FXYD1: variants seen among roughly 807,000 people sequenced by gnomAD.
FXYD1 encodes the protein FXYD domain containing ion transport regulator 1, also known as phospholemman.
FXYD1 carries 9 observed loss-of-function variants against 17.2 expected under a neutral mutation model. That is an observed-to-expected ratio of 0.52 (90% CI 0.32 to 0.91). The LOEUF (loss-of-function observed/expected upper bound fraction) is 0.91, where lower values mean the gene tolerates loss of function less well. FXYD1 is among the 40% of genes least tolerant of loss of function. The probability of loss-of-function intolerance (pLI) is 0.04; values close to 1 mark genes in which losing one functional copy is unlikely to be tolerated. For missense variants in FXYD1, 113 were observed against 120.6 expected, an observed-to-expected ratio of 0.94 and a Z score of 0.29; for synonymous variants, 55 against 45.8, an observed-to-expected ratio of 1.20 and a Z score of -0.81.
chr19:35,139,787 G>A (rs2065233774), intron 1 of FXYD1: 1 of 367,610 alleles, frequency 2.7e-6, no homozygotes, highest in Admixed American at 3.9e-5. Context: ...GGAATCGGGG[G>A]CCTGCTGCGG....
intron 5 of FXYD1, 80 bp from the exon 6 acceptor site, chr19:35,142,392 G>A: frequency 1.9e-6 from 2 of 1,073,722 alleles, no homozygotes; most frequent in Non-Finnish European, 2.8e-6. Context: ...TCTGGGAAAG[G>A]AGGCTTGTAC....
intron 1 of FXYD1, 138 bp from the exon 2 acceptor site, chr19:35,139,938 T>C (rs925029892): frequency 1.4e-6 from 1 of 715,260 alleles, no homozygotes; most frequent in South Asian, 1.7e-5. Flanking sequence ...CCCGTTTCTC[T>C]AGCTTGGAGC....
Position 35,141,565 on chromosome 19 carries a change from C to A in FXYD1, c.199C>A (p.Gln67Lys). The change falls in exon 5 of 8, where the codon CAG (glutamine) becomes AAG (lysine). Residue 67 changes from glutamine to lysine, a missense_variant. Transcript: ENST00000351325. Reference protein sequence around the residue: ...SRRCRCKFNQQQRTGEPDEEE... With the variant: ...SRRCRCKFNQKQRTGEPDEEE... Reference sequence around the variant, plus strand: ...AAGATGCCGGTGCAAGTTCAACCAGCAGCAGAGGTAAGACGCCCCTCCCCG... The same window carrying A: ...AAGATGCCGGTGCAAGTTCAACCAGAAGCAGAGGTAAGACGCCCCTCCCCG... 6.2e-7 allele frequency: 1 copy of A among 1,611,252 alleles called. No individual in the cohort carries two copies. The highest frequency in any genetic ancestry group is 8.5e-7 in the Non-Finnish European group (1 of 1,178,898).
chr19:35,137,352 G>T (rs772971818), upstream of FXYD1, among the ~76,000 whole-genome samples: 4 of 152,214 alleles, frequency 2.6e-5, no homozygotes, highest in Non-Finnish European at 4.4e-5. Flanking sequence ...ACATATCTGT[G>T]GTTTTGGAAT....
At chr19:35,140,556 C>T (rs753443777) in intron 2 of FXYD1, 41 bp from the exon 3 acceptor site, 1 of 1,600,690 alleles carries the variant, frequency 6.2e-7, no homozygotes, top group East Asian at 2.2e-5. Context: ...CCTGCCAGGA[C>T]CCCAGGAAGC....
chr19:35,139,822 C>G (rs1450410890), intron 1 of FXYD1: 1 of 437,272 alleles, frequency 2.3e-6, no homozygotes, highest in African/African-American at 2.0e-5. Flanking sequence ...AGGGAGGCCC[C>G]CCGGGGACTG....
upstream of FXYD1, chr19:35,137,981 T>A (rs1010165077): frequency 6.6e-6 from 1 of 152,222 alleles, no homozygotes; most frequent in Admixed American, 6.5e-5. Context: ...TGCACATACT[T>A]GTGTGTTTCT....
In FXYD1 at chr19:35,142,732, G is replaced by A; in HGVS notation, c.269G>A (p.Arg90His). The change falls in exon 7 of 8, where the codon CGC (arginine) becomes CAC (histidine). Residue 90 changes from arginine (R) to histidine (H), a missense_variant. Transcript: ENST00000351325. ...GTGTTCCCCCCAGGTCTGTCCACCCGCAGGCGGTAGAAACACCTGGAGCGA... is the reference window on the plus strand; with the variant it reads ...GTGTTCCCCCCAGGTCTGTCCACCCACAGGCGGTAGAAACACCTGGAGCGA... Reference protein sequence around the residue: ...FRSSIRRLSTRRR With the variant: ...FRSSIRRLSTHRR The A allele has an allele frequency of 1.2e-6, 2 of 1,613,464 alleles. No homozygotes were observed. The highest frequency in any genetic ancestry group is 8.5e-7 in the Non-Finnish European group (1 of 1,179,702).
At position 35,140,496 on chromosome 19, in the gene FXYD1, G is replaced by A. The variant is rs1476881062; in HGVS notation, c.62-101G>A. The A allele has an allele frequency of 5.6e-6, 6 of 1,078,092 alleles. No homozygotes were observed. The African/African-American group carries it at 6.2e-5, about 11-fold the overall frequency. The allele number at this position is 1,078,092 out of a possible 1,614,324, so 66.8% of individuals were successfully genotyped here. ...TGGGCAGCCTGCCCAGACACCCTCA[G>A]ACTCTAAGCCCAGCAAGGCAGAGCC... On this transcript the variant is annotated intron_variant, in intron 2 of 7. Coordinates refer to ENST00000351325, the MANE Select transcript of FXYD1 (RefSeq NM_021902.4).
upstream of FXYD1, chr19:35,137,525 T>G (rs1371258024): frequency 2.0e-5 from 3 of 152,410 alleles, no homozygotes; most frequent in Non-Finnish European, 4.4e-5. Flanking sequence ...TGTGTATCTG[T>G]GCCCATGGAA....
At chr19:35,139,970 C>G (rs908713081) in intron 1 of FXYD1, 106 bp from the exon 2 acceptor site, 3 of 987,968 alleles carry the variant, frequency 3.0e-6, no homozygotes, top group Non-Finnish European at 3.2e-6. Flanking sequence ...AGGACAAACA[C>G]TTCTGTGATT....
chr19:35,140,217 A>C (rs1365367517), intron 2 of FXYD1, 77 bp downstream of exon 2: 1 of 858,188 alleles, frequency 1.2e-6, no homozygotes, highest in Non-Finnish European at 2.0e-6. Flanking sequence ...CAAGTTGGAG[A>C]CCCCAACCTA....
chr19:35,142,849 G>A, intron 7 of FXYD1, 68 bp from the exon 8 acceptor site: 1 of 1,110,704 alleles, frequency 9.0e-7, no homozygotes, highest in East Asian at 2.5e-5. Context: ...CCAAGTGCCA[G>A]AGTTGAAGGG....
rs2065271139 is a variant in FXYD1 at position 35,142,930 on chromosome 19, C to T, written c.*43C>T. ...TCACCCTCACAGGACTCCCCTGGCACCTGACATCTCCCACGCTCCACCTGC... is the reference window on the plus strand; with the variant it reads ...TCACCCTCACAGGACTCCCCTGGCATCTGACATCTCCCACGCTCCACCTGC... On this transcript the variant is annotated 3_prime_UTR_variant, in exon 8 of 8. Coordinates refer to ENST00000351325, the MANE Select transcript of FXYD1 (RefSeq NM_021902.4). 1.6e-6 allele frequency: 1 copy of T among 618,910 alleles called. No individual in the cohort carries two copies. Among genetic ancestry groups the T allele is most frequent in the African/African-American group, 1.9e-5 (1 of 53,902 alleles). The allele number at this position is 618,910 out of a possible 1,614,324, so 38.3% of individuals were successfully genotyped here. A position where few individuals can be genotyped will look rare whatever the true frequency, so the allele number is the denominator to read the frequency against.
chr19:35,137,786 C>G (rs1273173700), upstream of FXYD1: 1 of 152,194 alleles, frequency 6.6e-6, no homozygotes, highest in Non-Finnish European at 1.5e-5. Flanking sequence ...GCCACCACAC[C>G]CAGCTAATTT....
chr19:35,141,207 G>T lies in FXYD1; in HGVS notation c.169+1G>T. 1.3e-6 allele frequency: 2 copies of T among 1,592,726 alleles called. No homozygotes were observed. Among genetic ancestry groups the T allele is most frequent in the Non-Finnish European group, 1.7e-6 (2 of 1,162,174 alleles). ...ATCCTGGGCATCCTCATCGTGCTGA[G>T]TGAGTGCCCCTAGCTCCCGCCCTCT... On this transcript the variant is annotated splice_donor_variant, in intron 4 of 7. Transcript: ENST00000351325. LOFTEE classifies it high-confidence loss of function.
chr19:35,141,660 C>T (rs1265575105), intron 5 of FXYD1, 88 bp downstream of exon 5: 18 of 1,045,582 alleles, frequency 1.7e-5, no homozygotes, highest in South Asian at 2.7e-5. Context: ...ACCCGCAGCC[C>T]GATCCCCGTC....
At chr19:35,139,954 A>G (rs557707732) in intron 1 of FXYD1, 122 bp from the exon 2 acceptor site, 1 of 854,032 alleles carries the variant, frequency 1.2e-6, no homozygotes, top group African/African-American at 1.7e-5. Context: ...GGAGCCACCA[A>G]GATAGAGGAC....
At position 35,141,585 on chromosome 19, in the gene FXYD1, T is replaced by C. The variant is rs1312946275; in HGVS notation, c.206+13T>C. On this transcript the variant is annotated intron_variant, in intron 5 of 7. Coordinates refer to ENST00000351325, the MANE Select transcript of FXYD1 (RefSeq NM_021902.4). ...ACCAGCAGCAGAGGTAAGACGCCCC[T>C]CCCCGCCCTCCTTCGCCCGCTCCTG... 1.2e-6 allele frequency: 2 copies of C among 1,604,836 alleles called. No homozygotes were observed. The highest frequency in any genetic ancestry group is 1.3e-5 in the African/African-American group (1 of 74,676).
Sources: allele counts gnomAD v4.1 joint callset (sites outside exome capture counted in the v4.1 genomes callset), GRCh38; gene constraint gnomAD v4.1.1; transcripts MANE v1.5; gene names NCBI Gene and HGNC (gene_info 2026-07-23, HGNC 2026-07-21).